KHDRBS2: variants seen among roughly 807,000 people sequenced by gnomAD.
KHDRBS2 encodes KH domain-containing, RNA-binding, signal transduction-associated protein 2.
A neutral mutation model predicts 44.3 loss-of-function variants in KHDRBS2; 26 were observed. The observed-to-expected ratio is 0.59, with a 90% CI of 0.43 to 0.81. The LOEUF is 0.81. Among genes scored for constraint, KHDRBS2 ranks in the 40% least tolerant of loss-of-function variants. The pLI, the probability that KHDRBS2 is intolerant of heterozygous loss-of-function variation, is 0.00. For missense variants in KHDRBS2, 476 were observed against 433.1 expected (o/e 1.10, Z -0.88); for synonymous variants, 194 against 151.1 (o/e 1.28, Z -2.08).
At chr6:61,595,526 G>T in the KHDRBS2 span, among the ~76,000 whole-genome samples, 1 of 151,784 alleles carries the variant, frequency 6.6e-6, no homozygotes, top group Non-Finnish European at 1.5e-5. Context: ...CTCAACAAAA[G>T]CATATCTTGC....
intron 3 of KHDRBS2, among the ~76,000 whole-genome samples, chr6:62,035,032 C>A (rs192487870): frequency 5.5e-4 from 84 of 152,016 alleles, no homozygotes; most frequent in African/African-American, 2.0e-3. Flanking sequence ...GCTTTGTACA[C>A]CTTTGGTAGA....
At chr6:61,775,900 G>C (rs1286175598) in intron 6 of KHDRBS2, among the ~76,000 whole-genome samples, 1 of 152,122 alleles carries the variant, frequency 6.6e-6, no homozygotes, top group Non-Finnish European at 1.5e-5. Flanking sequence ...ATACTACAAG[G>C]CCACAGTAAC....
chr6:61,686,152 G>A (rs114071569), intron 8 of KHDRBS2, among the ~76,000 whole-genome samples: 5 of 151,744 alleles, frequency 3.3e-5, no homozygotes, highest in Non-Finnish European at 5.9e-5. Context: ...CTGAAATATG[G>A]AAAAGAATCT....
At chr6:61,956,195 A>AC (rs1767243104) in intron 4 of KHDRBS2, among the ~76,000 whole-genome samples, 1 of 151,256 alleles carries the variant, frequency 6.6e-6, no homozygotes, top group Non-Finnish European at 1.5e-5. Flanking sequence ...TCCTTGTCAA[A>AC]AAAAAACAAA....
intron 2 of KHDRBS2, among the ~76,000 whole-genome samples, chr6:62,133,494 C>T (rs1267794244): frequency 1.3e-5 from 2 of 152,116 alleles, no homozygotes; most frequent in Non-Finnish European, 2.9e-5. Context: ...ATAAATTGCC[C>T]AGTCTCAGGT....
chr6:61,961,713 A>G (rs1031734380), intron 4 of KHDRBS2, among the ~76,000 whole-genome samples: 2 of 152,100 alleles, frequency 1.3e-5, no homozygotes, highest in African/African-American at 4.8e-5. Context: ...TGAAAAGGTT[A>G]GAGTGACCAG....
In KHDRBS2 at chr6:62,270,479, C is replaced by T. The variant is rs185840252; in HGVS notation, c.91+15379G>A. Among the ~76,000 whole-genome samples the T allele has an allele frequency of 2.0e-5, 3 of 151,938 alleles. 1 individual carries two copies. Among genetic ancestry groups the T allele is most frequent in the Admixed American group, 2.0e-4 (3 of 15,220 alleles). On this transcript the variant is annotated intron_variant, in intron 1 of 8. Coordinates refer to ENST00000281156, the MANE Select transcript of KHDRBS2 (RefSeq NM_152688.4). ...CCTGCAAAACTGTAAGCCAAATAAA[C>T]CTATTTTCTTTATAAATTACCCAGC...
intron 6 of KHDRBS2, chr6:61,813,864 A>C: frequency 2.2e-6 from 1 of 454,084 alleles, no homozygotes; most frequent in Non-Finnish European, 4.4e-6. Flanking sequence ...GCATAGAAGT[A>C]GTAGTATGAC....
the KHDRBS2 span, among the ~76,000 whole-genome samples, chr6:61,644,628 C>T: frequency 6.6e-6 from 1 of 152,086 alleles, no homozygotes; most frequent in Admixed American, 6.6e-5. Flanking sequence ...AAAACAACCC[C>T]TTTAAAAAGT....
intron 2 of KHDRBS2, among the ~76,000 whole-genome samples, chr6:62,092,681 C>A (rs1217917429): frequency 6.6e-6 from 1 of 152,092 alleles, no homozygotes; most frequent in Admixed American, 6.6e-5. Context: ...TTATAAATGA[C>A]CTTTATTTTC....
chr6:61,544,751 T>TA, the KHDRBS2 span, among the ~76,000 whole-genome samples: 2 of 152,140 alleles, frequency 1.3e-5, no homozygotes, highest in Admixed American at 6.5e-5. Flanking sequence ...TATGCAGCCA[T>TA]AAAAAATGAT....
chr6:61,880,479 A>G (rs150127450), intron 6 of KHDRBS2, among the ~76,000 whole-genome samples: 1 of 152,074 alleles, frequency 6.6e-6, no homozygotes, highest in African/African-American at 2.4e-5. Context: ...GAAAATCTCA[A>G]ACAAAATCTA....
At chr6:61,879,930 A>T (rs1799971380) in intron 6 of KHDRBS2, among the ~76,000 whole-genome samples, 1 of 151,910 alleles carries the variant, frequency 6.6e-6, no homozygotes, top group African/African-American at 2.4e-5. Context: ...TAACAGGAAG[A>T]GATTGATGTT....
chr6:61,705,574 G>T (rs1419038290), intron 7 of KHDRBS2, among the ~76,000 whole-genome samples: 1 of 151,700 alleles, frequency 6.6e-6, no homozygotes, highest in Non-Finnish European at 1.5e-5. Context: ...TCCATAATAT[G>T]CATCCAAAAT....
chr6:62,052,919 A>G (rs1789401095), intron 2 of KHDRBS2, among the ~76,000 whole-genome samples: 1 of 151,966 alleles, frequency 6.6e-6, no homozygotes, highest in African/African-American at 2.4e-5. Context: ...CCCCTGGTGT[A>G]CACAATGTAG....
At chr6:61,975,851 T>C (rs1246577293) in intron 4 of KHDRBS2, among the ~76,000 whole-genome samples, 4 of 152,222 alleles carry the variant, frequency 2.6e-5, no homozygotes, top group African/African-American at 9.6e-5. Context: ...CTACTTTAGA[T>C]TGTGTGGTTG....
intron 3 of KHDRBS2, among the ~76,000 whole-genome samples, chr6:62,045,346 G>A (rs191429149): frequency 6.5e-4 from 99 of 152,054 alleles, no homozygotes; most frequent in African/African-American, 2.2e-3. Flanking sequence ...CCTCAGGGCC[G>A]TCACACTTGG....
chr6:61,674,475 T>C, the KHDRBS2 span, among the ~76,000 whole-genome samples: 26 of 151,858 alleles, frequency 1.7e-4, no homozygotes, highest in Admixed American at 1.6e-3. Context: ...AAAATGAGTT[T>C]AATTATACTT....
intron 2 of KHDRBS2, among the ~76,000 whole-genome samples, chr6:62,137,723 T>A (rs1811878950): frequency 6.6e-6 from 1 of 152,176 alleles, no homozygotes; most frequent in South Asian, 2.1e-4. Flanking sequence ...TGTTGTCTAC[T>A]AATTTCCCCC....
Sources: gnomAD v4.1 joint callset for allele counts (sites outside exome capture counted in the v4.1 genomes callset) on GRCh38, gnomAD v4.1.1 for gene constraint, MANE v1.5 for transcripts, NCBI Gene and HGNC (gene_info 2026-07-23, HGNC 2026-07-21) for gene names.